COL12A1: variants seen among roughly 807,000 people sequenced by gnomAD.
The protein encoded by COL12A1 is collagen alpha-1(XII) chain.
Under a neutral mutation model 349.7 loss-of-function variants are expected in COL12A1, and 114 were observed. The ratio of observed to expected loss-of-function variants is 0.33; its 90% CI spans 0.28 to 0.38. COL12A1 has a LOEUF of 0.38. COL12A1 is among the 10% of genes least tolerant of loss of function. The probability of loss-of-function intolerance (pLI) is 1.00; values close to 1 mark genes in which losing one functional copy is unlikely to be tolerated. For synonymous variants in COL12A1, 1,369 were observed against 1,329.0 expected, an observed-to-expected ratio of 1.03 and a Z score of -0.66; for missense variants, 3,284 against 3,756.9, an observed-to-expected ratio of 0.87 and a Z score of 3.29.
chr6:75,166,244 C>T (rs1286229354), intron 13 of COL12A1, among the ~76,000 whole-genome samples: 1 of 152,174 alleles, frequency 6.6e-6, no homozygotes, highest in Non-Finnish European at 1.5e-5. Flanking sequence ...GCATGATTTA[C>T]AACAACTGCA....
intron 14 of COL12A1, among the ~76,000 whole-genome samples, chr6:75,158,191 G>A (rs1451868965): frequency 1.3e-5 from 2 of 152,172 alleles, no homozygotes; most frequent in South Asian, 2.1e-4. Context: ...AACCTTCAAT[G>A]TGATGACATT....
intron 39 of COL12A1, 42 bp from the exon 40 acceptor site, chr6:75,125,315 A>G (rs1765959896): frequency 6.6e-7 from 1 of 1,523,412 alleles, no homozygotes; most frequent in South Asian, 1.3e-5. Flanking sequence ...CATGCCATCA[A>G]TAGCATGAAA....
At chr6:75,132,221 G>A (rs1766337639) in intron 34 of COL12A1, 139 bp from the exon 35 acceptor site, 1 of 1,149,688 alleles carries the variant, frequency 8.7e-7, no homozygotes, top group African/African-American at 1.6e-5. Context: ...ACACACAAAG[G>A]CAGATTAAAA....
chr6:75,133,439 A>G lies in COL12A1; in HGVS notation c.5665-17T>C, dbSNP rs201399291. Reference sequence around the variant, plus strand: ...GATTGGTACCTAAAGATTTTAATAAAACAAAAAGCATTGACTTGAAAAATT... The same window carrying G: ...GATTGGTACCTAAAGATTTTAATAAGACAAAAAGCATTGACTTGAAAAATT... On this transcript the variant is annotated splice_polypyrimidine_tract_variant and intron_variant, in intron 33 of 65. Transcript: ENST00000322507. 6.3e-7 allele frequency: 1 copy of G among 1,595,410 alleles called. No individual in the cohort carries two copies. Among genetic ancestry groups the G allele is most frequent in the Non-Finnish European group, 8.5e-7 (1 of 1,174,772 alleles).
Position 75,102,663 on chromosome 6 carries a change from A to G in COL12A1, c.8349T>C (p.Gly2783=). The G allele has an allele frequency of 6.4e-7, 1 of 1,572,014 alleles. No homozygotes were observed. Among genetic ancestry groups the G allele is most frequent in the South Asian group, 1.2e-5 (1 of 84,600 alleles). ...CTGGAGGACCCTGGGGGCCTGGAGGACCTATGTCTCCACGAGGACCAGGGG... is the reference window on the plus strand; with the variant it reads ...CTGGAGGACCCTGGGGGCCTGGAGGGCCTATGTCTCCACGAGGACCAGGGG... ...IGPPGPRGDI[G]PPGPQGPPGP... is the part of the protein sequence containing the mutation. Residue 2783 remains glycine (G), a synonymous_variant, in exon 56 of 66, where the codon GGT becomes GGC. Transcript: ENST00000322507.
chr6:75,151,083 A>AAT, intron 21 of COL12A1, 58 bp downstream of exon 21: 1 of 944,620 alleles, frequency 1.1e-6, no homozygotes, highest in Non-Finnish European at 1.5e-6. Flanking sequence ...CAAAAGAATA[A>AAT]TTATTTGGCC....
At chr6:75,165,985 C>A (rs1347896932) in intron 13 of COL12A1, among the ~76,000 whole-genome samples, 1 of 151,976 alleles carries the variant, frequency 6.6e-6, no homozygotes, top group Non-Finnish European at 1.5e-5. Flanking sequence ...CTATTTGATT[C>A]CTACCTCTTA....
At chr6:75,087,249 TA>T (rs1318481725) in intron 65 of COL12A1, 14 of 350,178 alleles carry the variant, frequency 4.0e-5, no homozygotes, top group African/African-American at 2.7e-4. Context: ...CAGTTGTATT[TA>T]ACAAATCCCT....
At chr6:75,102,542 T>C in intron 56 of COL12A1, 55 bp downstream of exon 56, 1 of 1,329,790 alleles carries the variant, frequency 7.5e-7, no homozygotes, top group Non-Finnish European at 1.0e-6. Flanking sequence ...AAAGATTCAT[T>C]TAACTAAATG....
chr6:75,139,930 A>G (rs1345563211), intron 27 of COL12A1, among the ~76,000 whole-genome samples: 1 of 152,168 alleles, frequency 6.6e-6, no homozygotes, highest in African/African-American at 2.4e-5. Context: ...AAAGCTAATT[A>G]CACAAACCCC....
At chr6:75,101,919 A>T in intron 57 of COL12A1, 80 bp downstream of exon 57, 1 of 1,466,566 alleles carries the variant, frequency 6.8e-7, no homozygotes, top group South Asian at 1.2e-5. Context: ...TTTGCTACTT[A>T]ATCTGGGTTC....
In COL12A1 at chr6:75,085,175, C is replaced by T. The variant is rs1176198763; in HGVS notation, c.*1372G>A. On this transcript the variant is annotated 3_prime_UTR_variant, in exon 66 of 66. Transcript: ENST00000322507. Reference sequence around the variant, plus strand: ...ACCTCCCCCAAGCCTCGCGGCGCGGCGCGTGATCTCTGGTTCACTGCCCGG... The same window carrying T: ...ACCTCCCCCAAGCCTCGCGGCGCGGTGCGTGATCTCTGGTTCACTGCCCGG... The T allele has an allele frequency of 4.3e-6, 2 of 460,162 alleles. No individual in the cohort carries two copies. Among genetic ancestry groups the T allele is most frequent in the South Asian group, 3.1e-5 (2 of 64,300 alleles). 28.5% of individuals were successfully genotyped at this position (460,162 alleles called of 1,614,324 possible). A position where few individuals can be genotyped will look rare whatever the true frequency, so the allele number is the denominator to read the frequency against.
chr6:75,192,699 G>T (rs1487154429), intron 3 of COL12A1, among the ~76,000 whole-genome samples: 3 of 152,098 alleles, frequency 2.0e-5, no homozygotes, highest in Non-Finnish European at 2.9e-5. Context: ...GAGAGATAAA[G>T]CAGAGAAAAT....
At chr6:75,104,837 T>C (rs1417302479) in intron 54 of COL12A1, among the ~76,000 whole-genome samples, 1 of 152,186 alleles carries the variant, frequency 6.6e-6, no homozygotes, top group African/African-American at 2.4e-5. Flanking sequence ...TGTTCTTGGG[T>C]CAGCCTCTCA....
chr6:75,103,338 G>A (rs941201269), intron 55 of COL12A1, among the ~76,000 whole-genome samples: 1 of 152,066 alleles, frequency 6.6e-6, no homozygotes, highest in African/African-American at 2.4e-5. Context: ...TGGCAGAAGG[G>A]GCAGGTGACC....
intron 14 of COL12A1, among the ~76,000 whole-genome samples, chr6:75,157,319 A>G (rs1270825195): frequency 6.6e-6 from 1 of 152,116 alleles, no homozygotes; most frequent in Non-Finnish European, 1.5e-5. Context: ...GAACATAAAC[A>G]TGTTCTATAG....
At chr6:75,100,945 G>C (rs1300075696) in intron 58 of COL12A1, among the ~76,000 whole-genome samples, 1 of 152,150 alleles carries the variant, frequency 6.6e-6, no homozygotes, top group Non-Finnish European at 1.5e-5. Flanking sequence ...TAAAGCATTT[G>C]TGGTCTCCTA....
At chr6:75,189,412 C>G in intron 6 of COL12A1, 31 bp from the exon 7 acceptor site, 1 of 1,593,748 alleles carries the variant, frequency 6.3e-7, no homozygotes, top group Non-Finnish European at 8.5e-7. Context: ...TTCATTTACT[C>G]TGTACTACAC....
intron 39 of COL12A1, 45 bp from the exon 40 acceptor site, chr6:75,125,318 G>C: frequency 6.6e-7 from 1 of 1,517,298 alleles, no homozygotes; most frequent in Non-Finnish European, 8.8e-7. Flanking sequence ...GCCATCAATA[G>C]CATGAAATTT....
Sources: gnomAD v4.1 joint callset for allele counts (sites outside exome capture counted in the v4.1 genomes callset) on GRCh38, gnomAD v4.1.1 for gene constraint, MANE v1.5 for transcripts, NCBI Gene and HGNC (gene_info 2026-07-23, HGNC 2026-07-21) for gene names.